Variants in SNX13 observed in about 807,000 individuals in gnomAD.
The protein encoded by SNX13 is sorting nexin 13.
SNX13 carries 45 observed loss-of-function variants against 133.6 expected under a neutral mutation model. That is an observed-to-expected ratio of 0.34 (90% confidence interval 0.27 to 0.43). The LOEUF is 0.43. Among genes scored for constraint, SNX13 ranks in the 20% least tolerant of loss-of-function variants. SNX13 has a pLI of 1.00. For missense variants in SNX13, 1,032 were observed against 1,145.1 expected, an observed-to-expected ratio of 0.90 and a Z score of 1.43; for synonymous variants, 414 against 373.9, an observed-to-expected ratio of 1.11 and a Z score of -1.24.
intron 1 of SNX13, among the ~76,000 whole-genome samples, chr7:17,902,322 A>T (rs544120870): frequency 3.3e-5 from 5 of 150,884 alleles, no homozygotes; most frequent in African/African-American, 1.2e-4. Context: ...AATTCCACAG[A>T]CTACAAAAAT....
chr7:17,934,157 C>A (rs1801751921), intron 1 of SNX13, among the ~76,000 whole-genome samples: 1 of 152,188 alleles, frequency 6.6e-6, no homozygotes, highest in Non-Finnish European at 1.5e-5. Context: ...AGTTTAAGAG[C>A]TATCTGCTTG....
At chr7:17,897,118 A>T (rs1041976249) in intron 2 of SNX13, among the ~76,000 whole-genome samples, 5 of 152,104 alleles carry the variant, frequency 3.3e-5, no homozygotes, top group African/African-American at 1.2e-4. Flanking sequence ...TTGGAAATGG[A>T]CATCTTATTA....
intron 18 of SNX13, among the ~76,000 whole-genome samples, chr7:17,820,050 T>C (rs1464400663): frequency 6.6e-6 from 1 of 152,166 alleles, no homozygotes; most frequent in African/African-American, 2.4e-5. Context: ...GTATGAACTG[T>C]CCTCTTAAAG....
At chr7:17,847,777 CA>C (rs1263269316) in intron 11 of SNX13, among the ~76,000 whole-genome samples, 1 of 152,128 alleles carries the variant, frequency 6.6e-6, no homozygotes, top group African/African-American at 2.4e-5. Context: ...CACTACTCCA[CA>C]AAAAATGCTC....
chr7:17,924,789 T>A (rs1224411434), intron 1 of SNX13, among the ~76,000 whole-genome samples: 1 of 152,138 alleles, frequency 6.6e-6, no homozygotes, highest in Non-Finnish European at 1.5e-5. Context: ...TACTTGGCAA[T>A]AAAAATAAAT....
chr7:17,845,954 AT>A (rs1372699066), intron 11 of SNX13, among the ~76,000 whole-genome samples: 1 of 152,206 alleles, frequency 6.6e-6, no homozygotes, highest in Non-Finnish European at 1.5e-5. Flanking sequence ...AGAAATCACT[AT>A]ATTTTCAATT....
At chr7:17,815,928 T>C (rs1786604107) in intron 19 of SNX13, among the ~76,000 whole-genome samples, 1 of 152,208 alleles carries the variant, frequency 6.6e-6, no homozygotes, top group Non-Finnish European at 1.5e-5. Context: ...GGCAAGTGCA[T>C]TTATCTAAAC....
chr7:17,834,722 C>G (rs1408548613), intron 14 of SNX13, 39 bp downstream of exon 14: 1 of 1,353,852 alleles, frequency 7.4e-7, no homozygotes, highest in South Asian at 1.4e-5. Flanking sequence ...TATTTTTTCT[C>G]AAAAAAGATA....
chr7:17,868,381 GA>G (rs775404333), intron 9 of SNX13, 25 bp downstream of exon 9: 1 of 1,500,370 alleles, frequency 6.7e-7, no homozygotes, highest in South Asian at 1.2e-5. Flanking sequence ...TTCTAAAACA[GA>G]GTTGTAATTT....
chr7:17,821,718 C>A (rs1193862938), intron 17 of SNX13, 70 bp from the exon 18 acceptor site: 23 of 1,484,892 alleles, frequency 1.5e-5, no homozygotes, highest in Admixed American at 1.1e-4. Context: ...GAACGAAAGA[C>A]ACAAAAAAGG....
intron 1 of SNX13, among the ~76,000 whole-genome samples, chr7:17,932,381 G>A (rs1801477692): frequency 6.6e-6 from 1 of 152,078 alleles, no homozygotes; most frequent in South Asian, 2.1e-4. Flanking sequence ...TAACCACAAT[G>A]TACTTACTAT....
At chr7:17,880,473 G>A (rs912909038) in intron 5 of SNX13, 3 of 152,106 alleles carry the variant, frequency 2.0e-5, no homozygotes, top group African/African-American at 7.2e-5. Flanking sequence ...TTATTTCAAC[G>A]TGTTTGATTA....
rs1381300801 is a variant in SNX13, at chr7:17,940,450, T to C, written c.-155A>G. The C allele has an allele frequency of 3.7e-6, 3 of 814,474 alleles. No individual in the cohort carries two copies. Among genetic ancestry groups the C allele is most frequent in the Non-Finnish European group, 4.1e-6 (2 of 486,348 alleles). 50.5% of individuals were successfully genotyped at this position (814,474 alleles called of 1,614,324 possible). Reference sequence around the variant, plus strand: ...TTTACTCGGCTTCGCTGGCCTCCCCTCGGCCCGGTCGCTCGCGACGGACGC... The same window carrying C: ...TTTACTCGGCTTCGCTGGCCTCCCCCCGGCCCGGTCGCTCGCGACGGACGC... On this transcript the variant is annotated 5_prime_UTR_variant, in exon 1 of 26. Coordinates refer to ENST00000428135, the MANE Select transcript of SNX13 (RefSeq NM_015132.5).
rs1554304329 is a variant in SNX13 at position 17,805,254 on chromosome 7, T to TGCGCGCGCGTGCGC, written c.2065-1675_2065-1674insGCGCACGCGCGCGC. ...GTGTGTGTGTGTGTGTGTGTGTGCG[T>TGCGCGCGCGTGCGC]GCGCGCGCGCGCATGCATGCACATG... On this transcript the variant is annotated intron_variant, in intron 20 of 25. Coordinates refer to ENST00000428135, the MANE Select transcript of SNX13 (RefSeq NM_015132.5). Among the ~76,000 whole-genome samples the TGCGCGCGCGTGCGC allele has an allele frequency of 1.2e-3, 159 of 132,526 alleles. 1 individual carries two copies. The highest frequency in any genetic ancestry group is 7.5e-3 in the Middle Eastern group (2 of 266). The allele number at this position is 132,526 out of a possible 152,430, so 86.9% of individuals were successfully genotyped here. A position where few individuals can be genotyped will look rare whatever the true frequency, so the allele number is the denominator to read the frequency against.
chr7:17,808,825 C>T (rs1036743152), intron 20 of SNX13, among the ~76,000 whole-genome samples: 4 of 152,048 alleles, frequency 2.6e-5, no homozygotes, highest in African/African-American at 7.2e-5. Flanking sequence ...AAAAAGAATT[C>T]TCAACCCAGA....
rs781418008 is a variant in SNX13, at chr7:17,852,328, G to A, written c.838-1364C>T. On this transcript the variant is annotated intron_variant, in intron 9 of 25. Coordinates refer to ENST00000428135, the MANE Select transcript of SNX13 (RefSeq NM_015132.5). ...GCGGAGGTTGAAGTGAGCTGAGATCGTGCCACTGTACTCCAGGTTGGGCGC... is the reference window on the plus strand; with the variant it reads ...GCGGAGGTTGAAGTGAGCTGAGATCATGCCACTGTACTCCAGGTTGGGCGC... Among the ~76,000 whole-genome samples the A allele has an allele frequency of 3.0e-4, 46 of 152,176 alleles. 1 individual carries two copies. Among genetic ancestry groups the A allele is most frequent in the Non-Finnish European group, 5.9e-4 (40 of 68,004 alleles).
At chr7:17,806,811 C>A (rs1280439149) in intron 20 of SNX13, among the ~76,000 whole-genome samples, 1 of 152,188 alleles carries the variant, frequency 6.6e-6, no homozygotes, top group Non-Finnish European at 1.5e-5. Context: ...AGAGGGCGAG[C>A]TGAAGCAGGG....
intron 1 of SNX13, among the ~76,000 whole-genome samples, chr7:17,905,228 A>C (rs1193105526): frequency 6.6e-6 from 1 of 152,212 alleles, no homozygotes; most frequent in Non-Finnish European, 1.5e-5. Flanking sequence ...TGTGGGTATG[A>C]GTACATTTAA....
chr7:17,890,709 A>T (rs1303125902), intron 4 of SNX13, among the ~76,000 whole-genome samples: 1 of 148,062 alleles, frequency 6.8e-6, no homozygotes, highest in Non-Finnish European at 1.5e-5. Context: ...GCCTAGATTT[A>T]AAAAAAAAAA....
Sources: gnomAD v4.1 joint callset for allele counts (sites outside exome capture counted in the v4.1 genomes callset) on GRCh38, gnomAD v4.1.1 for gene constraint, MANE v1.5 for transcripts, NCBI Gene and HGNC (gene_info 2026-07-23, HGNC 2026-07-21) for gene names.